Variants in ZNF277 observed in about 807,000 individuals in gnomAD.
ZNF277 encodes nuclear receptor-interacting factor 4.
In ZNF277, 55 loss-of-function variants were observed where a neutral mutation model predicts 60.7. The ratio of observed to expected loss-of-function variants is 0.91; its 90% confidence interval spans 0.73 to 1.13. ZNF277 has a LOEUF of 1.13. ZNF277 is among the 50% of genes most tolerant of loss of function. The pLI is 0.00. For missense variants in ZNF277, 510 were observed against 523.0 expected (o/e 0.98, Z 0.24); for synonymous variants, 178 against 179.3 (o/e 0.99, Z 0.06).
chr7:112,223,842 T>C lies in ZNF277; in HGVS notation c.91+17035T>C, dbSNP rs534194640. Among the ~76,000 whole-genome samples the C allele has an allele frequency of 9.9e-5, 15 of 152,282 alleles. No homozygotes were observed. The South Asian group carries it at 2.1e-3, about 21-fold the overall frequency. ...GTCACAGGAAGGCTTTCAGAAGCAA[T>C]TGGGGTTGCAGTCTTCCTTGTCACA... is the stretch of plus-strand genomic sequence containing the variant. On this transcript the variant is annotated intron_variant, in intron 1 of 11. Coordinates refer to ENST00000361822, the MANE Select transcript of ZNF277 (RefSeq NM_021994.3).
At chr7:112,274,262 A>G (rs951109977) in intron 1 of ZNF277, among the ~76,000 whole-genome samples, 4 of 151,938 alleles carry the variant, frequency 2.6e-5, no homozygotes, top group Admixed American at 6.6e-5. Context: ...GGCCCAAGCA[A>G]TCCTCTCACC....
rs1260781250 is a variant in ZNF277 at position 112,206,788 on chromosome 7, C to T, written c.72C>T (p.Val24=). ...ACCGTGATGGGAGCTGCAGCACAGTCGGGGGTGTAGGTTATGGGGGTGAGT... is the reference window on the plus strand; with the variant it reads ...ACCGTGATGGGAGCTGCAGCACAGTTGGGGGTGTAGGTTATGGGGGTGAGT... ...QEDRDGSCST[V]GGVGYGDSKD... Residue 24 remains valine (V), a synonymous_variant, in exon 1 of 12, where the codon GTC becomes GTT. Transcript: ENST00000361822. The T allele has an allele frequency of 1.9e-6, 3 of 1,613,300 alleles. No individual in the cohort carries two copies. The South Asian group carries it at 3.3e-5, about 18-fold the overall frequency.
chr7:112,339,809 C>G (rs1159378635), intron 9 of ZNF277, 34 bp from the exon 10 acceptor site: 1 of 1,589,300 alleles, frequency 6.3e-7, no homozygotes, highest in African/African-American at 1.3e-5. Flanking sequence ...TTAAATAATT[C>G]ATATGCTTAC....
rs79867885 is a variant in ZNF277, at chr7:112,265,510, C to T, written c.92-21363C>T. On this transcript the variant is annotated intron_variant, in intron 1 of 11. Transcript: ENST00000361822. ...GATCGCCATATCAGATATAATAATA[C>T]GAAAAACTTTGAAATGTTGCCAAAA... Among the ~76,000 whole-genome samples the T allele has an allele frequency of 9.2e-3, 1,406 of 152,102 alleles. 17 individuals are homozygous for T. The highest frequency in any genetic ancestry group is 0.032 in the African/African-American group (1,315 of 41,462).
chr7:112,278,765 A>C (rs1791876257), intron 1 of ZNF277, among the ~76,000 whole-genome samples: 1 of 152,214 alleles, frequency 6.6e-6, no homozygotes, highest in Non-Finnish European at 1.5e-5. Flanking sequence ...AATACATAAC[A>C]TGAAATCTAT....
chr7:112,316,035 A>G (rs551220528), intron 4 of ZNF277, among the ~76,000 whole-genome samples: 1 of 152,286 alleles, frequency 6.6e-6, no homozygotes, highest in East Asian at 1.9e-4. Context: ...ATTAAAAGTG[A>G]TATCATGAAA....
chr7:112,341,021 G>A lies in ZNF277; in HGVS notation c.1159G>A (p.Asp387Asn), dbSNP rs537640529. 58 of 1,600,142 alleles carry A rather than the reference G, an allele frequency of 3.6e-5. No individual in the cohort carries two copies. The highest frequency in any genetic ancestry group is 1.3e-4 in the South Asian group (11 of 86,574). The part of the protein sequence containing the change: ...EETKHTSLLP[D>N]RKTWDQLEYY... ...AACTAAACACACTTCGCTGCTCCCC[G>A]ATAGAAAGACGTGGGATCAACTGGA... The change falls in exon 11 of 12, where the codon GAT (aspartate) becomes AAT (asparagine). Residue 387 changes from aspartate (D) to asparagine (N), a missense_variant. By Grantham distance (23) the Asp-to-Asn change is conservative. Coordinates refer to ENST00000361822, the MANE Select transcript of ZNF277 (RefSeq NM_021994.3).
intron 1 of ZNF277, among the ~76,000 whole-genome samples, chr7:112,270,199 A>G (rs953401403): frequency 6.6e-6 from 1 of 152,100 alleles, no homozygotes. Flanking sequence ...CTTGAATTCT[A>G]GGATTCATGC....
In ZNF277 at chr7:112,343,513, A is replaced by G. The variant is rs1189344954; in HGVS notation, c.*784A>G. On this transcript the variant is annotated 3_prime_UTR_variant, in exon 12 of 12. Coordinates refer to ENST00000361822, the MANE Select transcript of ZNF277 (RefSeq NM_021994.3). ...CAAAATGTATGTTTACAATATTATC[A>G]GTTTCATTACTGATGAATATTATAT... Among the ~76,000 whole-genome samples the G allele has an allele frequency of 6.6e-6, 1 of 152,182 alleles. No homozygotes were observed. The highest frequency in any genetic ancestry group is 1.5e-5 in the Non-Finnish European group (1 of 68,044).
chr7:112,263,469 T>C (rs1309660330), intron 1 of ZNF277, among the ~76,000 whole-genome samples: 1 of 152,190 alleles, frequency 6.6e-6, no homozygotes, highest in African/African-American at 2.4e-5. Flanking sequence ...AGAGACTACA[T>C]GTAAAATTCC....
At chr7:112,263,708 T>C (rs1198610178) in intron 1 of ZNF277, among the ~76,000 whole-genome samples, 1 of 152,202 alleles carries the variant, frequency 6.6e-6, no homozygotes, top group East Asian at 1.9e-4. Flanking sequence ...TTTTCTGCAG[T>C]ATTTGTCTCA....
At chr7:112,310,466 A>C (rs903138595) in intron 4 of ZNF277, among the ~76,000 whole-genome samples, 9 of 145,820 alleles carry the variant, frequency 6.2e-5, no homozygotes, top group Non-Finnish European at 1.3e-4. Context: ...AGAGAGAGAG[A>C]GAGAGAGAGA....
chr7:112,330,731 AT>A (rs1793211322), intron 7 of ZNF277, among the ~76,000 whole-genome samples: 1 of 151,616 alleles, frequency 6.6e-6, no homozygotes, highest in East Asian at 1.9e-4. Context: ...CAGCACTGGG[AT>A]TACACCACAC....
intron 1 of ZNF277, among the ~76,000 whole-genome samples, chr7:112,219,216 A>G (rs1288247695): frequency 6.6e-6 from 1 of 152,154 alleles, no homozygotes; most frequent in Non-Finnish European, 1.5e-5. Context: ...AGTGATGTTG[A>G]GCATTTCTTC....
At chr7:112,340,327 T>C (rs370697381) in intron 10 of ZNF277, among the ~76,000 whole-genome samples, 1 of 152,288 alleles carries the variant, frequency 6.6e-6, no homozygotes, top group African/African-American at 2.4e-5. Context: ...TAGGATTGTT[T>C]GTTATAGGTG....
chr7:112,303,925 T>C (rs1427054073), intron 4 of ZNF277, among the ~76,000 whole-genome samples: 1 of 152,110 alleles, frequency 6.6e-6, no homozygotes, highest in African/African-American at 2.4e-5. Flanking sequence ...GCCTTTATCA[T>C]TGCAGTTTCA....
chr7:112,208,833 A>G (rs953047540), intron 1 of ZNF277, among the ~76,000 whole-genome samples: 2 of 151,974 alleles, frequency 1.3e-5, no homozygotes, highest in African/African-American at 2.4e-5. Context: ...GGCGCCAGCC[A>G]ACAAGCCCGG....
intron 5 of ZNF277, among the ~76,000 whole-genome samples, chr7:112,326,906 T>C (rs935840868): frequency 5.9e-5 from 9 of 152,202 alleles, no homozygotes; most frequent in African/African-American, 2.2e-4. Flanking sequence ...ACTATACACA[T>C]ATGCTTTTTT....
chr7:112,298,393 G>A (rs907975956), intron 4 of ZNF277, among the ~76,000 whole-genome samples: 5 of 152,126 alleles, frequency 3.3e-5, no homozygotes, highest in African/African-American at 1.2e-4. Context: ...AGATACATAT[G>A]CATCTAAATG....
Sources: gnomAD v4.1 joint callset for allele counts (sites outside exome capture counted in the v4.1 genomes callset) on GRCh38, gnomAD v4.1.1 for gene constraint, MANE v1.5 for transcripts, NCBI Gene and HGNC (gene_info 2026-07-23, HGNC 2026-07-21) for gene names.